The following LRRIQ1 variants were observed in gnomAD, a reference collection of about 807,000 sequenced individuals.
The protein encoded by LRRIQ1 is leucine-rich repeat- and IQ domain-containing protein 1.
Under a neutral mutation model 211.9 loss-of-function variants are expected in LRRIQ1, and 210 were observed. The observed-to-expected ratio is 0.99, with a 90% CI of 0.89 to 1.11. LRRIQ1 has a LOEUF of 1.11. Among genes scored for constraint, LRRIQ1 ranks in the 50% most tolerant of loss-of-function variants. The probability of loss-of-function intolerance (pLI) is 0.00; values close to 1 mark genes in which losing one functional copy is unlikely to be tolerated. For synonymous variants in LRRIQ1, 699 were observed against 650.1 expected, an observed-to-expected ratio of 1.08 and a Z score of -1.14; for missense variants, 2,136 against 1,939.5, an observed-to-expected ratio of 1.10 and a Z score of -1.90.
At chr12:85,164,344 C>T (rs1413356804) in intron 24 of LRRIQ1, among the ~76,000 whole-genome samples, 1 of 152,120 alleles carries the variant, frequency 6.6e-6, no homozygotes, top group Non-Finnish European at 1.5e-5. Flanking sequence ...TTTATTAGCT[C>T]TGTGACCTTT....
At chr12:85,164,110 C>T (rs1207606474) in intron 24 of LRRIQ1, among the ~76,000 whole-genome samples, 1 of 152,128 alleles carries the variant, frequency 6.6e-6, no homozygotes, top group Non-Finnish European at 1.5e-5. Context: ...CCTGTAATAC[C>T]TACTTGGATT....
intron 1 of LRRIQ1, among the ~76,000 whole-genome samples, chr12:85,257,590 A>G (rs1896157414): frequency 1.3e-5 from 2 of 151,768 alleles, no homozygotes; most frequent in Admixed American, 1.3e-4. Flanking sequence ...AACACCCAAT[A>G]GGTATTAACT....
chr12:85,047,593 G>A (rs1879785476), intron 6 of LRRIQ1, 123 bp downstream of exon 6: 3 of 742,580 alleles, frequency 4.0e-6, no homozygotes, highest in Non-Finnish European at 6.6e-6. Flanking sequence ...TCTGATAGAG[G>A]AAGAAATTGA....
chr12:85,198,176 T>G (rs991321399), intron 24 of LRRIQ1, among the ~76,000 whole-genome samples: 1 of 132,276 alleles, frequency 7.6e-6, no homozygotes, highest in African/African-American at 2.9e-5. Flanking sequence ...TATTTATATT[T>G]ATATATATAT....
intron 11 of LRRIQ1, 39 bp downstream of exon 11, chr12:85,073,137 G>T (rs749618532): frequency 1.1e-5 from 16 of 1,465,538 alleles, no homozygotes; most frequent in Non-Finnish European, 1.4e-5. Flanking sequence ...ACTCTTTATG[G>T]ATTTCTAGAG....
At position 85,145,714 on chromosome 12, in the gene LRRIQ1, G is replaced by A. The variant is rs192743064; in HGVS notation, c.4330-6566G>A. Among the ~76,000 whole-genome samples, 4 of 151,728 alleles carry A rather than the reference G, an allele frequency of 2.6e-5. No homozygotes were observed. In the East Asian group the frequency reaches 7.8e-4, roughly 30 times the overall value. The stretch of plus-strand genomic sequence containing the variant: ...CTTCTAAACGGCTGTTAGCAACCCT[G>A]CCCATCCTGTGCTCCACAGAAAGTT... On this transcript the variant is annotated intron_variant, in intron 19 of 26. Transcript: ENST00000393217.
chr12:85,102,735 T>A (rs1886438494), intron 13 of LRRIQ1, among the ~76,000 whole-genome samples: 1 of 151,210 alleles, frequency 6.6e-6, no homozygotes, highest in East Asian at 1.9e-4. Flanking sequence ...TGGTGGTGTT[T>A]TCTATGGCAG....
At chr12:85,080,273 CTCTG>C (rs1395300848) in intron 11 of LRRIQ1, among the ~76,000 whole-genome samples, 2 of 151,786 alleles carry the variant, frequency 1.3e-5, no homozygotes, top group African/African-American at 4.8e-5. Context: ...TTAATATTCA[CTCTG>C]TCTGAATTCA....
chr12:85,095,902 T>G (rs1885833607), intron 11 of LRRIQ1, among the ~76,000 whole-genome samples: 1 of 152,180 alleles, frequency 6.6e-6, no homozygotes, highest in Non-Finnish European at 1.5e-5. Flanking sequence ...TTCCAAGAAT[T>G]TATCTACTTC....
intron 24 of LRRIQ1, among the ~76,000 whole-genome samples, chr12:85,200,583 T>G (rs1225573679): frequency 1.3e-5 from 2 of 152,152 alleles, no homozygotes; most frequent in Non-Finnish European, 2.9e-5. Context: ...CAGTATGATA[T>G]TGGCTGTGGG....
chr12:85,056,193 A>T lies in LRRIQ1; in HGVS notation c.1400A>T (p.Glu467Val). 1.9e-6 allele frequency: 3 copies of T among 1,575,032 alleles called. No homozygotes were observed. The highest frequency in any genetic ancestry group is 2.6e-6 in the Non-Finnish European group (3 of 1,169,296). ...GAATCAATACAAGTAAAGTTAAAAGAATCTATATCAAGCCAAACAATTCTG... is the reference window on the plus strand; with the variant it reads ...GAATCAATACAAGTAAAGTTAAAAGTATCTATATCAAGCCAAACAATTCTG... Reference protein sequence around the residue: ...LKESIQVKLKESISSQTILAD... With the variant: ...LKESIQVKLKVSISSQTILAD... Residue 467 changes from glutamate to valine, a missense_variant, in exon 8 of 27, where the codon GAA becomes GTA. Transcript: ENST00000393217.
intron 26 of LRRIQ1, among the ~76,000 whole-genome samples, chr12:85,240,512 G>A (rs1383770197): frequency 6.6e-6 from 1 of 152,016 alleles, no homozygotes; most frequent in East Asian, 1.9e-4. Flanking sequence ...ATTTTTCCTA[G>A]AGAAGTGGAC....
chr12:85,248,890 C>T (rs1024114264), downstream of LRRIQ1, among the ~76,000 whole-genome samples: 11 of 151,560 alleles, frequency 7.3e-5, no homozygotes, highest in Admixed American at 1.3e-4. Flanking sequence ...CCAGAGGTTC[C>T]ATATACTGAA....
At chr12:85,250,950 ATATATTATATAT>A (rs1186553421) in intron 1 of LRRIQ1, among the ~76,000 whole-genome samples, 1 of 111,148 alleles carries the variant, frequency 9.0e-6, no homozygotes, top group Non-Finnish European at 1.7e-5. Flanking sequence ...AATATATTTT[ATATATTATATAT>A]TATATTATAT....
At chr12:85,138,780 C>A (rs2136559011) in intron 19 of LRRIQ1, among the ~76,000 whole-genome samples, 1 of 151,512 alleles carries the variant, frequency 6.6e-6, no homozygotes, top group South Asian at 2.1e-4. Flanking sequence ...CTATGTTAAA[C>A]AAACATGAAA....
At chr12:85,159,082 T>A (rs1890719287) in intron 23 of LRRIQ1, among the ~76,000 whole-genome samples, 1 of 152,040 alleles carries the variant, frequency 6.6e-6, no homozygotes, top group South Asian at 2.1e-4. Context: ...GAATGACTGA[T>A]AATGTAGCAC....
At chr12:85,221,508 C>T (rs540352934) in intron 24 of LRRIQ1, among the ~76,000 whole-genome samples, 17 of 152,142 alleles carry the variant, frequency 1.1e-4, no homozygotes, top group African/African-American at 3.6e-4. Flanking sequence ...GGTATCTATA[C>T]AGTTCTTTGG....
chr12:85,057,317 A>G, intron 8 of LRRIQ1, 133 bp downstream of exon 8: 1 of 750,422 alleles, frequency 1.3e-6, no homozygotes. Flanking sequence ...TATGAATGAA[A>G]TATTACCCCA....
At chr12:85,062,450 A>G (rs1184032980) in intron 8 of LRRIQ1, among the ~76,000 whole-genome samples, 3 of 151,616 alleles carry the variant, frequency 2.0e-5, no homozygotes, top group African/African-American at 7.3e-5. Flanking sequence ...AATATGTGGT[A>G]TTTGGTTTTC....
Sources: gnomAD v4.1 joint callset for allele counts (sites outside exome capture counted in the v4.1 genomes callset) on GRCh38, gnomAD v4.1.1 for gene constraint, MANE v1.5 for transcripts, NCBI Gene and HGNC (gene_info 2026-07-23, HGNC 2026-07-21) for gene names.